The following NCAM2 variants were observed in gnomAD, a reference collection of about 807,000 sequenced individuals.
The protein encoded by NCAM2 is N-CAM-2.
NCAM2 carries 30 observed loss-of-function variants against 98.1 expected under a neutral mutation model. The observed-to-expected ratio is 0.31, with a 90% CI of 0.23 to 0.41. The LOEUF is 0.41. NCAM2 is among the 10% of genes least tolerant of loss of function. The pLI, the probability that NCAM2 is intolerant of heterozygous loss-of-function variation, is 1.00. For missense variants in NCAM2, 867 were observed against 1,005.8 expected, an observed-to-expected ratio of 0.86 and a Z score of 1.87; for synonymous variants, 368 against 342.4, an observed-to-expected ratio of 1.07 and a Z score of -0.83.
chr21:21,082,019 G>A, intron 1 of NCAM2, among the ~76,000 whole-genome samples: 1 of 151,230 alleles, frequency 6.6e-6, no homozygotes, highest in Non-Finnish European at 1.5e-5. Context: ...GGGTGGATCA[G>A]GAGTTCGAGA....
At chr21:21,242,000 G>A (rs1045680222) in intron 1 of NCAM2, among the ~76,000 whole-genome samples, 1 of 152,052 alleles carries the variant, frequency 6.6e-6, no homozygotes, top group Non-Finnish European at 1.5e-5. Flanking sequence ...ATGGATCTCA[G>A]AATAAGAATG....
chr21:21,328,230 A>G (rs184955841), intron 6 of NCAM2, among the ~76,000 whole-genome samples: 2 of 152,310 alleles, frequency 1.3e-5, no homozygotes, highest in Admixed American at 1.3e-4. Flanking sequence ...GTTGGTAGTT[A>G]CACTAGTGTA....
At chr21:21,251,048 C>T (rs1409929628) in intron 1 of NCAM2, among the ~76,000 whole-genome samples, 1 of 152,168 alleles carries the variant, frequency 6.6e-6, no homozygotes, top group Non-Finnish European at 1.5e-5. Flanking sequence ...TATCTATTCT[C>T]TTTCCTGGGG....
chr21:21,134,549 T>G (rs569301256), intron 1 of NCAM2, among the ~76,000 whole-genome samples: 2 of 152,266 alleles, frequency 1.3e-5, no homozygotes, highest in South Asian at 4.2e-4. Flanking sequence ...GGATAATGCT[T>G]TCTTTTACAA....
chr21:21,284,073 T>C, intron 2 of NCAM2, 121 bp from the exon 3 acceptor site: 1 of 657,524 alleles, frequency 1.5e-6, no homozygotes, highest in Non-Finnish European at 2.5e-6. Flanking sequence ...TTCTCAGATT[T>C]CCAGTCTGTT....
intron 8 of NCAM2, among the ~76,000 whole-genome samples, chr21:21,373,091 CT>C (rs2075956104): frequency 6.6e-6 from 1 of 151,748 alleles, no homozygotes. Context: ...AGTACATTTT[CT>C]TTACTCAACT....
intron 1 of NCAM2, among the ~76,000 whole-genome samples, chr21:21,076,705 A>G (rs1420428209): frequency 6.6e-6 from 1 of 152,230 alleles, no homozygotes; most frequent in East Asian, 1.9e-4. Flanking sequence ...AACTGTATGA[A>G]GATATAAAAC....
intron 1 of NCAM2, among the ~76,000 whole-genome samples, chr21:21,144,942 C>A (rs2067241782): frequency 1.3e-5 from 2 of 152,054 alleles, no homozygotes; most frequent in East Asian, 3.9e-4. Flanking sequence ...TTGTGAAAAG[C>A]AAATTAATAT....
intron 1 of NCAM2, among the ~76,000 whole-genome samples, chr21:21,190,780 C>G (rs553820192): frequency 1.3e-5 from 2 of 152,218 alleles, no homozygotes; most frequent in South Asian, 4.1e-4. Flanking sequence ...CCTTAATTTT[C>G]TTACCTGTAA....
At chr21:21,002,257 G>A (rs1233922033) in intron 1 of NCAM2, among the ~76,000 whole-genome samples, 1 of 152,136 alleles carries the variant, frequency 6.6e-6, no homozygotes, top group Non-Finnish European at 1.5e-5. Flanking sequence ...AGAGCAAGAA[G>A]GGAAGTTGGT....
chr21:21,213,720 A>G (rs1356406206), intron 1 of NCAM2, among the ~76,000 whole-genome samples: 2 of 152,202 alleles, frequency 1.3e-5, no homozygotes, highest in African/African-American at 2.4e-5. Flanking sequence ...TTATAATGTT[A>G]TATTAACATA....
chr21:21,193,792 C>T (rs2068909256), intron 1 of NCAM2, among the ~76,000 whole-genome samples: 1 of 152,080 alleles, frequency 6.6e-6, no homozygotes, highest in Non-Finnish European at 1.5e-5. Context: ...CCGCACCTGG[C>T]CTCAGTTATT....
chr21:21,252,460 C>G (rs1267728603), intron 1 of NCAM2, among the ~76,000 whole-genome samples: 1 of 150,912 alleles, frequency 6.6e-6, no homozygotes, highest in African/African-American at 2.4e-5. Context: ...ACGATATAAT[C>G]TAATCACCTT....
At chr21:21,200,859 A>T (rs2069193281) in intron 1 of NCAM2, among the ~76,000 whole-genome samples, 1 of 147,178 alleles carries the variant, frequency 6.8e-6, no homozygotes, top group Non-Finnish European at 1.5e-5. Flanking sequence ...TGTGTGTGTG[A>T]GAGAGTTTTC....
chr21:21,291,368 A>C (rs2073285744), intron 4 of NCAM2, among the ~76,000 whole-genome samples: 2 of 151,920 alleles, frequency 1.3e-5, no homozygotes, highest in Non-Finnish European at 2.9e-5. Flanking sequence ...GACACAAAAA[A>C]TAATGCCAGG....
intron 5 of NCAM2, among the ~76,000 whole-genome samples, chr21:21,301,155 T>C (rs2073697669): frequency 6.6e-6 from 1 of 152,064 alleles, no homozygotes; most frequent in East Asian, 1.9e-4. Flanking sequence ...GGAGGCATAC[T>C]TTGTGAATAT....
At chr21:21,272,982 CAT>C (rs1228376347) in intron 1 of NCAM2, among the ~76,000 whole-genome samples, 2 of 22,572 alleles carry the variant, frequency 8.9e-5, no homozygotes, top group African/African-American at 2.3e-4. Flanking sequence ...CATTCACACA[CAT>C]ACACACACAC....
rs370850832 is a variant in NCAM2, at chr21:21,530,305, A to T, written c.2283-4232A>T. Among the ~76,000 whole-genome samples, 80 of 57,728 alleles carry T rather than the reference A, an allele frequency of 1.4e-3. 13 individuals are homozygous for T. The highest frequency in any genetic ancestry group is 3.6e-3 in the East Asian group (14 of 3,898). The allele number at this position is 57,728 out of a possible 152,430, so 37.9% of individuals were successfully genotyped here. On this transcript the variant is annotated intron_variant, in intron 16 of 17. Transcript: ENST00000400546. Reference sequence around the variant, plus strand: ...TAATTTAATTATATATAATTAAATTAAATTATATATAATTAAATTAAATTA... The same window carrying T: ...TAATTTAATTATATATAATTAAATTTAATTATATATAATTAAATTAAATTA...
At chr21:21,106,461 C>CA (rs1187013950) in intron 1 of NCAM2, among the ~76,000 whole-genome samples, 1 of 151,578 alleles carries the variant, frequency 6.6e-6, no homozygotes, top group Non-Finnish European at 1.5e-5. Flanking sequence ...AAACTGTTGA[C>CA]AAAAATGTAA....
Sources: allele counts gnomAD v4.1 joint callset (sites outside exome capture counted in the v4.1 genomes callset), GRCh38; gene constraint gnomAD v4.1.1; transcripts MANE v1.5; gene names NCBI Gene and HGNC (gene_info 2026-07-23, HGNC 2026-07-21).